The following AOPEP variants were observed in gnomAD, a reference collection of about 807,000 sequenced individuals.
The protein encoded by AOPEP is aminopeptidase O.
Under a neutral mutation model 98.1 loss-of-function variants are expected in AOPEP, and 77 were observed. The ratio of observed to expected loss-of-function variants is 0.78; its 90% confidence interval spans 0.65 to 0.95. AOPEP has a LOEUF of 0.95. AOPEP is among the 40% of genes least tolerant of loss of function. The pLI, the probability that AOPEP is intolerant of heterozygous loss-of-function variation, is 0.00. For missense variants in AOPEP, 1,024 were observed against 1,024.7 expected (o/e 1.00, Z 0.01); for synonymous variants, 346 against 365.3 (o/e 0.95, Z 0.60).
chr9:94,807,041 AC>A (rs1400339860), intron 5 of AOPEP, among the ~76,000 whole-genome samples: 2 of 152,090 alleles, frequency 1.3e-5, no homozygotes, highest in Non-Finnish European at 2.9e-5. Context: ...CCACACAGAA[AC>A]CATACTGACC....
At chr9:95,139,521 G>A in the AOPEP span, among the ~76,000 whole-genome samples, 7 of 152,076 alleles carry the variant, frequency 4.6e-5, no homozygotes, top group Admixed American at 6.5e-5. Flanking sequence ...GTGCACCCAC[G>A]GGGATGGCGG....
intron 5 of AOPEP, among the ~76,000 whole-genome samples, chr9:94,920,793 A>G (rs2053500991): frequency 6.6e-6 from 1 of 152,172 alleles, no homozygotes; most frequent in African/African-American, 2.4e-5. Context: ...CAGACCAGAC[A>G]TGATATTTTT....
At chr9:95,079,731 G>T (rs1316618217) in intron 14 of AOPEP, among the ~76,000 whole-genome samples, 2 of 152,246 alleles carry the variant, frequency 1.3e-5, no homozygotes, top group East Asian at 3.8e-4. Flanking sequence ...GAGGGTGGGA[G>T]TGGGGGTTCC....
At chr9:95,115,878 C>G in the AOPEP span, among the ~76,000 whole-genome samples, 1 of 152,210 alleles carries the variant, frequency 6.6e-6, no homozygotes, top group East Asian at 1.9e-4. Context: ...AAGTGATCCT[C>G]TTTTACACCC....
the AOPEP span, among the ~76,000 whole-genome samples, chr9:95,103,095 CTG>C: frequency 2.0e-5 from 3 of 152,146 alleles, no homozygotes; most frequent in Non-Finnish European, 4.4e-5. Context: ...TGTGAGCCTG[CTG>C]TGGACCCCTT....
At chr9:94,737,509 T>C (rs2131839827) in intron 1 of AOPEP, among the ~76,000 whole-genome samples, 1 of 152,352 alleles carries the variant, frequency 6.6e-6, no homozygotes, top group Non-Finnish European at 1.5e-5. Flanking sequence ...GTATTTTACC[T>C]GTTCAGGATA....
chr9:94,958,141 G>A (rs773665260), intron 9 of AOPEP, among the ~76,000 whole-genome samples: 1 of 152,134 alleles, frequency 6.6e-6, no homozygotes, highest in African/African-American at 2.4e-5. Context: ...GAACCACACA[G>A]TATTTGTCCT....
At chr9:94,804,075 C>T (rs1011510764) in intron 5 of AOPEP, among the ~76,000 whole-genome samples, 11 of 152,260 alleles carry the variant, frequency 7.2e-5, no homozygotes, top group Admixed American at 2.0e-4. Flanking sequence ...CTCGTATGTT[C>T]TCAGAGTCTC....
At chr9:95,030,677 CTCT>C (rs2064218396) in intron 13 of AOPEP, among the ~76,000 whole-genome samples, 1 of 147,812 alleles carries the variant, frequency 6.8e-6, no homozygotes, top group African/African-American at 2.7e-5. Flanking sequence ...CTCTCTGTGT[CTCT>C]TCTTCCTCTC....
At chr9:95,021,145 CTGTT>C (rs1178653643) in intron 13 of AOPEP, among the ~76,000 whole-genome samples, 4 of 152,104 alleles carry the variant, frequency 2.6e-5, no homozygotes, top group African/African-American at 9.7e-5. Context: ...TCTAACTTGG[CTGTT>C]TGTTCATAGG....
chr9:95,043,239 G>T (rs117883279), intron 13 of AOPEP, among the ~76,000 whole-genome samples: 4 of 22,900 alleles, frequency 1.7e-4, no homozygotes, highest in Admixed American at 6.7e-4. Flanking sequence ...TATATATACA[G>T]ATATATACAG....
chr9:95,005,281 G>A, intron 12 of AOPEP, 61 bp downstream of exon 12: 2 of 888,888 alleles, frequency 2.3e-6, no homozygotes, highest in Admixed American at 5.1e-5. Flanking sequence ...CGCGGCTGGC[G>A]AGAGGCCCTG....
intron 5 of AOPEP, among the ~76,000 whole-genome samples, chr9:94,841,850 G>C (rs2042310224): frequency 6.6e-6 from 1 of 152,106 alleles, no homozygotes; most frequent in African/African-American, 2.4e-5. Flanking sequence ...CCAGGAGTTT[G>C]AGACCAGCCA....
At chr9:94,835,139 C>T (rs1287860740) in intron 5 of AOPEP, among the ~76,000 whole-genome samples, 1 of 152,114 alleles carries the variant, frequency 6.6e-6, no homozygotes, top group Non-Finnish European at 1.5e-5. Context: ...ACAGTCTTTT[C>T]GGGGTATTGT....
At chr9:95,051,852 T>C (rs988585627) in intron 13 of AOPEP, among the ~76,000 whole-genome samples, 4 of 151,984 alleles carry the variant, frequency 2.6e-5, no homozygotes, top group Non-Finnish European at 4.4e-5. Flanking sequence ...TACAGGCGCC[T>C]GCCACCACAC....
chr9:94,777,625 C>CTTT (rs34067261), intron 3 of AOPEP, among the ~76,000 whole-genome samples: 1,383 of 94,180 alleles, frequency 0.015, 183 homozygotes, highest in African/African-American at 0.06. Context: ...ATTATATAAT[C>CTTT]TTTTTTTTTT....
intron 5 of AOPEP, among the ~76,000 whole-genome samples, chr9:94,864,395 A>G (rs144051816): frequency 1.2e-4 from 18 of 152,282 alleles, no homozygotes; most frequent in Non-Finnish European, 2.2e-4. Context: ...CATCAAAGCT[A>G]TTTTGGTTTC....
intron 14 of AOPEP, among the ~76,000 whole-genome samples, chr9:95,067,447 T>G (rs1280745534): frequency 6.6e-6 from 1 of 152,226 alleles, no homozygotes; most frequent in East Asian, 1.9e-4. Context: ...CACATGGAAC[T>G]GTGTTCTGTA....
chr9:94,982,564 A>AATTTTTTTTTTTTTTT (rs1564480333), intron 11 of AOPEP, among the ~76,000 whole-genome samples: 1 of 140,098 alleles, frequency 7.1e-6, no homozygotes, highest in African/African-American at 2.9e-5. Flanking sequence ...CAAGAGCAAT[A>AATTTTTTTTTTTTTTT]CTTTTTTTTT....
Sources: allele counts gnomAD v4.1 joint callset (sites outside exome capture counted in the v4.1 genomes callset), GRCh38; gene constraint gnomAD v4.1.1; transcripts MANE v1.5; gene names NCBI Gene and HGNC (gene_info 2026-07-23, HGNC 2026-07-21).